NCKAP5: variants seen among roughly 807,000 people sequenced by gnomAD.
NCKAP5 encodes nck-associated protein 5.
NCKAP5 carries 92 observed loss-of-function variants against 167.0 expected under a neutral mutation model. The ratio of observed to expected loss-of-function variants is 0.55; its 90% CI spans 0.47 to 0.66. The LOEUF (loss-of-function observed/expected upper bound fraction) is 0.66, where lower values mean the gene tolerates loss of function less well. Among genes scored for constraint, NCKAP5 ranks in the 30% least tolerant of loss-of-function variants. The probability of loss-of-function intolerance (pLI) is 0.00; values close to 1 mark genes in which losing one functional copy is unlikely to be tolerated. For synonymous variants in NCKAP5, 891 were observed against 877.4 expected (o/e 1.02, Z -0.27); for missense variants, 2,378 against 2,315.0 (o/e 1.03, Z -0.56).
At chr2:132,873,738 A>G (rs1162743943) in intron 9 of NCKAP5, among the ~76,000 whole-genome samples, 1 of 152,226 alleles carries the variant, frequency 6.6e-6, no homozygotes, top group East Asian at 1.9e-4. Flanking sequence ...CAGCTGATTA[A>G]TCTTTGGATT....
intron 16 of NCKAP5, among the ~76,000 whole-genome samples, chr2:132,739,208 G>A (rs1268297345): frequency 6.6e-6 from 1 of 152,134 alleles, no homozygotes; most frequent in African/African-American, 2.4e-5. Context: ...CTTTTCTTCT[G>A]CAGATTCAAG....
At chr2:133,324,548 A>G (rs1218193760) in intron 3 of NCKAP5, among the ~76,000 whole-genome samples, 1 of 152,166 alleles carries the variant, frequency 6.6e-6, no homozygotes, top group Non-Finnish European at 1.5e-5. Context: ...AAGTTGCTGA[A>G]GCACACAGAG....
intron 19 of NCKAP5, among the ~76,000 whole-genome samples, chr2:132,711,187 A>G (rs1688810584): frequency 6.6e-6 from 1 of 152,186 alleles, no homozygotes; most frequent in African/African-American, 2.4e-5. Flanking sequence ...TAGAATATGG[A>G]TCCCCTATCC....
At chr2:133,331,477 T>C (rs551674572) in intron 3 of NCKAP5, among the ~76,000 whole-genome samples, 27 of 152,326 alleles carry the variant, frequency 1.8e-4, no homozygotes, top group Admixed American at 3.3e-4. Context: ...ACATTTTCTG[T>C]TTCCTCCCAT....
At chr2:133,365,953 T>C (rs1410762475) in intron 3 of NCKAP5, among the ~76,000 whole-genome samples, 1 of 152,220 alleles carries the variant, frequency 6.6e-6, no homozygotes, top group African/African-American at 2.4e-5. Flanking sequence ...ATGTTAGCCA[T>C]CAATATTTCT....
At chr2:133,139,696 A>G (rs780639070) in intron 5 of NCKAP5, among the ~76,000 whole-genome samples, 2 of 152,334 alleles carry the variant, frequency 1.3e-5, no homozygotes, top group Non-Finnish European at 2.9e-5. Context: ...GAGGTGAGAT[A>G]CTACCATAAA....
At chr2:133,369,953 G>A (rs1685694175) in intron 3 of NCKAP5, among the ~76,000 whole-genome samples, 16 of 152,198 alleles carry the variant, frequency 1.1e-4, no homozygotes, top group Admixed American at 1.0e-3. Context: ...AGAATGACTG[G>A]TTTAGCTGGG....
chr2:132,727,390 C>T (rs1574007005), intron 18 of NCKAP5, among the ~76,000 whole-genome samples: 2 of 152,202 alleles, frequency 1.3e-5, no homozygotes, highest in East Asian at 1.9e-4. Context: ...CCAAAGCCAG[C>T]ACAGAGTCCT....
intron 8 of NCKAP5, among the ~76,000 whole-genome samples, chr2:132,911,925 G>A (rs960695967): frequency 6.6e-6 from 1 of 152,192 alleles, no homozygotes; most frequent in Non-Finnish European, 1.5e-5. Flanking sequence ...CTGGCCAGTC[G>A]CTGCTTCTTG....
the NCKAP5 span, among the ~76,000 whole-genome samples, chr2:133,627,862 C>A: frequency 6.6e-6 from 1 of 152,172 alleles, no homozygotes; most frequent in South Asian, 2.1e-4. Context: ...CTTTGCTTTG[C>A]CCCTCCTCCC....
chr2:133,652,243 A>C, the NCKAP5 span, among the ~76,000 whole-genome samples: 1 of 152,320 alleles, frequency 6.6e-6, no homozygotes, highest in South Asian at 2.1e-4. Flanking sequence ...AGTTCTCAAA[A>C]TTTAATAGGG....
At chr2:133,613,980 A>T in the NCKAP5 span, among the ~76,000 whole-genome samples, 1 of 152,180 alleles carries the variant, frequency 6.6e-6, no homozygotes, top group South Asian at 2.1e-4. Context: ...CAGGGGACTA[A>T]GATGGCAGAT....
At chr2:133,375,124 A>G (rs1686058174) in intron 3 of NCKAP5, among the ~76,000 whole-genome samples, 1 of 152,214 alleles carries the variant, frequency 6.6e-6, no homozygotes, top group Non-Finnish European at 1.5e-5. Flanking sequence ...AACTCTTTCC[A>G]GGTTGAAAAT....
In NCKAP5 at chr2:133,455,495, C is replaced by CAGTGGA. The variant is rs548013485; in HGVS notation, c.69+61957_69+61962dup. 2.9e-3 allele frequency among the ~76,000 whole-genome samples: 445 copies of CAGTGGA among 152,182 alleles called. 2 individuals are homozygous for CAGTGGA. Among genetic ancestry groups the CAGTGGA allele is most frequent in the African/African-American group, 0.01 (432 of 41,530 alleles). On this transcript the variant is annotated intron_variant, in intron 3 of 19. Transcript: ENST00000409261. ...CATCCATTGTTCAGCATGCTCTACCCAGTGGAATAATCATATTTAGAATGG... is the reference window on the plus strand; with the variant it reads ...CATCCATTGTTCAGCATGCTCTACCCAGTGGAAGTGGAATAATCATATTTAGAATGG...
chr2:132,963,409 C>A (rs72994881), intron 8 of NCKAP5, among the ~76,000 whole-genome samples: 6,998 of 152,146 alleles, frequency 0.046, 454 homozygotes, highest in African/African-American at 0.14. Flanking sequence ...CTGGGGAAAA[C>A]AAAGTAAAAT....
intron 3 of NCKAP5, among the ~76,000 whole-genome samples, chr2:133,384,548 T>C (rs1326277082): frequency 6.6e-6 from 1 of 152,232 alleles, no homozygotes; most frequent in African/African-American, 2.4e-5. Context: ...GGCTCTTTTT[T>C]GGTTCCATGT....
At chr2:133,643,923 C>T in the NCKAP5 span, among the ~76,000 whole-genome samples, 3 of 152,202 alleles carry the variant, frequency 2.0e-5, no homozygotes, top group Non-Finnish European at 4.4e-5. Flanking sequence ...TGCCTGAAAC[C>T]TTTACCTCTT....
chr2:133,072,361 T>C (rs959186451), intron 6 of NCKAP5, among the ~76,000 whole-genome samples: 1 of 152,082 alleles, frequency 6.6e-6, no homozygotes, highest in Non-Finnish European at 1.5e-5. Context: ...CTCCCTTCAT[T>C]TCCTCCAACA....
At chr2:133,115,519 T>C (rs982051987) in intron 6 of NCKAP5, among the ~76,000 whole-genome samples, 98 of 152,134 alleles carry the variant, frequency 6.4e-4, no homozygotes, top group Middle Eastern at 6.8e-3. Context: ...AAATTAGATG[T>C]TATGTTACAA....
Sources: gnomAD v4.1 joint callset for allele counts (sites outside exome capture counted in the v4.1 genomes callset) on GRCh38, gnomAD v4.1.1 for gene constraint, MANE v1.5 for transcripts, NCBI Gene and HGNC (gene_info 2026-07-23, HGNC 2026-07-21) for gene names.